Variants in CDK14 observed in about 807,000 individuals in gnomAD.
The protein encoded by CDK14 is cyclin-dependent kinase 14.
A neutral mutation model predicts 60.7 loss-of-function variants in CDK14; 34 were observed. That is an observed-to-expected ratio of 0.56 (90% CI 0.43 to 0.75). CDK14 has a LOEUF of 0.75. CDK14 is among the 30% of genes least tolerant of loss of function. The pLI, the probability that CDK14 is intolerant of heterozygous loss-of-function variation, is 0.00. For missense variants in CDK14, 482 were observed against 564.1 expected (o/e 0.85, Z 1.47); for synonymous variants, 197 against 203.7 (o/e 0.97, Z 0.28).
intron 4 of CDK14, among the ~76,000 whole-genome samples, chr7:90,788,356 A>C (rs1283700331): frequency 6.6e-6 from 1 of 152,208 alleles, no homozygotes; most frequent in Non-Finnish European, 1.5e-5. Context: ...TGAAGTGAAG[A>C]GTACAAGGTG....
chr7:91,056,410 C>A (rs1323699057), intron 11 of CDK14, among the ~76,000 whole-genome samples: 1 of 149,370 alleles, frequency 6.7e-6, no homozygotes, highest in East Asian at 2.0e-4. Flanking sequence ...TGTGAAAATT[C>A]TTTTTTTTTA....
chr7:91,109,376 C>T (rs1799409755), intron 12 of CDK14, among the ~76,000 whole-genome samples: 1 of 152,060 alleles, frequency 6.6e-6, no homozygotes, highest in Admixed American at 6.5e-5. Context: ...CTTCCAAAAA[C>T]TTGTGAAAGC....
At chr7:91,020,286 A>G (rs1796400567) in intron 10 of CDK14, among the ~76,000 whole-genome samples, 1 of 152,218 alleles carries the variant, frequency 6.6e-6, no homozygotes. Flanking sequence ...ATCTAGCTTT[A>G]CCATTAACCA....
intron 4 of CDK14, among the ~76,000 whole-genome samples, chr7:90,761,356 G>A (rs1199332789): frequency 6.6e-6 from 1 of 151,072 alleles, no homozygotes; most frequent in Non-Finnish European, 1.5e-5. Context: ...AAGAGTTAGT[G>A]TAGAAATGTT....
chr7:91,192,090 G>A (rs1802380653), intron 14 of CDK14, among the ~76,000 whole-genome samples: 1 of 152,134 alleles, frequency 6.6e-6, no homozygotes, highest in South Asian at 2.1e-4. Flanking sequence ...CATAACCAAA[G>A]ATAGCTATCT....
chr7:91,025,374 G>C (rs1050495874), intron 10 of CDK14, among the ~76,000 whole-genome samples: 4 of 152,064 alleles, frequency 2.6e-5, no homozygotes, highest in Non-Finnish European at 5.9e-5. Flanking sequence ...ATATTAAAAG[G>C]CATCTTGGGG....
At chr7:91,055,253 A>G (rs1797515155) in intron 11 of CDK14, among the ~76,000 whole-genome samples, 1 of 152,204 alleles carries the variant, frequency 6.6e-6, no homozygotes, top group Non-Finnish European at 1.5e-5. Context: ...AGAAACAACC[A>G]AAAACCTTGA....
chr7:91,069,379 G>A (rs987669805), intron 11 of CDK14, among the ~76,000 whole-genome samples: 5 of 152,020 alleles, frequency 3.3e-5, no homozygotes, highest in African/African-American at 1.2e-4. Context: ...TCTAAAAATA[G>A]ATAAATACAT....
rs187492541 is a variant in CDK14, at chr7:90,767,808, G to A, written c.464+20033G>A. 9.5e-4 allele frequency among the ~76,000 whole-genome samples: 145 copies of A among 152,220 alleles called. 1 individual carries two copies. The highest frequency in any genetic ancestry group is 1.3e-3 in the Non-Finnish European group (87 of 68,020). On this transcript the variant is annotated intron_variant, in intron 4 of 14. Coordinates refer to ENST00000380050, the MANE Select transcript of CDK14 (RefSeq NM_001287135.2). ...AAAATTTTTTCTAATACGTTTTTGA[G>A]TAAATCAGAATCTGAGCCCTCTTGA...
At chr7:91,122,305 C>G (rs1013348620) in intron 14 of CDK14, among the ~76,000 whole-genome samples, 1 of 152,166 alleles carries the variant, frequency 6.6e-6, no homozygotes, top group Non-Finnish European at 1.5e-5. Flanking sequence ...GTGTCGGACT[C>G]TCTACTTGGT....
intron 14 of CDK14, among the ~76,000 whole-genome samples, chr7:91,186,379 A>G (rs1802194668): frequency 6.7e-6 from 1 of 148,354 alleles, no homozygotes; most frequent in Non-Finnish European, 1.5e-5. Flanking sequence ...TCTCTAGTTG[A>G]TAGACCTCTG....
chr7:90,772,769 C>G (rs1804841719), intron 4 of CDK14, among the ~76,000 whole-genome samples: 1 of 152,042 alleles, frequency 6.6e-6, no homozygotes, highest in South Asian at 2.1e-4. Flanking sequence ...TTATAGCATG[C>G]AAGAACAGAC....
chr7:90,918,121 C>T (rs918289798), intron 8 of CDK14, among the ~76,000 whole-genome samples: 7 of 152,136 alleles, frequency 4.6e-5, no homozygotes, highest in African/African-American at 1.7e-4. Context: ...ACTCATCAAC[C>T]AGCTTCAACA....
chr7:90,967,854 A>G (rs1325103996), intron 9 of CDK14, among the ~76,000 whole-genome samples: 3 of 152,188 alleles, frequency 2.0e-5, no homozygotes, highest in African/African-American at 7.2e-5. Context: ...TGGATCATTA[A>G]CTTATATGCA....
chr7:90,690,589 A>G (rs1006654703), intron 2 of CDK14, among the ~76,000 whole-genome samples: 1 of 152,160 alleles, frequency 6.6e-6, no homozygotes, highest in African/African-American at 2.4e-5. Context: ...CTTAGCAGGA[A>G]GTTTCTTTAG....
intron 2 of CDK14, among the ~76,000 whole-genome samples, chr7:90,636,860 T>A (rs1800163722): frequency 6.6e-6 from 1 of 152,066 alleles, no homozygotes; most frequent in Non-Finnish European, 1.5e-5. Context: ...GGTTTAGTCT[T>A]GGGAGAGTGT....
chr7:91,123,117 T>C (rs1799833592), intron 14 of CDK14, among the ~76,000 whole-genome samples: 1 of 152,206 alleles, frequency 6.6e-6, no homozygotes, highest in Non-Finnish European at 1.5e-5. Flanking sequence ...GATATCTTCA[T>C]TGTATGATAT....
intron 4 of CDK14, among the ~76,000 whole-genome samples, chr7:90,766,760 C>T (rs745664877): frequency 3.9e-5 from 6 of 152,114 alleles, no homozygotes; most frequent in Non-Finnish European, 7.4e-5. Flanking sequence ...AAAGAACACT[C>T]GGGGGGCCAT....
At chr7:90,820,150 G>A (rs1389055556) in intron 5 of CDK14, among the ~76,000 whole-genome samples, 1 of 152,092 alleles carries the variant, frequency 6.6e-6, no homozygotes, top group Non-Finnish European at 1.5e-5. Flanking sequence ...TTTTTAGTAT[G>A]AGTATGACCC....
Sources: gnomAD v4.1 joint callset for allele counts (sites outside exome capture counted in the v4.1 genomes callset) on GRCh38, gnomAD v4.1.1 for gene constraint, MANE v1.5 for transcripts, NCBI Gene and HGNC (gene_info 2026-07-23, HGNC 2026-07-21) for gene names.